THSD7B: variants seen among roughly 807,000 people sequenced by gnomAD.
The protein encoded by THSD7B is thrombospondin type 1 domain containing 7B.
Under a neutral mutation model 213.6 loss-of-function variants are expected in THSD7B, and 138 were observed. The observed-to-expected ratio is 0.65, with a 90% CI of 0.56 to 0.74. The LOEUF (loss-of-function observed/expected upper bound fraction) is 0.74. Ranked by LOEUF, THSD7B falls within the 30% of genes least tolerant of loss-of-function variation. The probability of loss-of-function intolerance (pLI) is 0.00; values close to 1 mark genes in which losing one functional copy is unlikely to be tolerated. For missense variants in THSD7B, 1,931 were observed against 1,991.5 expected, an observed-to-expected ratio of 0.97 and a Z score of 0.58; for synonymous variants, 742 against 687.0, an observed-to-expected ratio of 1.08 and a Z score of -1.25.
intron 6 of THSD7B, among the ~76,000 whole-genome samples, chr2:137,167,862 G>A (rs1364364828): frequency 6.6e-6 from 1 of 152,088 alleles, no homozygotes; most frequent in East Asian, 1.9e-4. Context: ...ACTAAACCAC[G>A]GTGCCTTTCA....
chr2:137,356,967 GACACACACACACACACACACAC>G (rs3048465), intron 12 of THSD7B, among the ~76,000 whole-genome samples: 25 of 140,872 alleles, frequency 1.8e-4, no homozygotes, highest in Non-Finnish European at 3.4e-4. Flanking sequence ...CACACACACA[GACACACACACACACACACACAC>G]ACACACACAC....
At position 137,115,248 on chromosome 2, in the gene THSD7B, T is replaced by G. The variant is rs1453959459; in HGVS notation, c.1324T>G (p.Cys442Gly). ...TGGGATCCAGACCCGGGAGGTGTAC[T>G]GTGCCCAGAGCGTACCAGCAGCTGC... ...GGGIQTREVY[C>G]AQSVPAAAAL... Residue 442 changes from cysteine (C) to glycine (G), a missense_variant, in exon 5 of 28, where the codon TGT (cysteine) becomes GGT (glycine). By Grantham distance (159) the Cys-to-Gly change is radical (BLOSUM62 -3). Transcript: ENST00000409968. 2 of 1,612,142 alleles carry G rather than the reference T, an allele frequency of 1.2e-6. No individual in the cohort carries two copies. Among genetic ancestry groups the G allele is most frequent in the Non-Finnish European group, 1.7e-6 (2 of 1,179,116 alleles).
intron 3 of THSD7B, among the ~76,000 whole-genome samples, chr2:137,086,276 G>A (rs187203419): frequency 7.3e-4 from 111 of 152,124 alleles, no homozygotes; most frequent in African/African-American, 2.5e-3. Context: ...GGCAGAAGTT[G>A]CAATGAGCCA....
intron 7 of THSD7B, among the ~76,000 whole-genome samples, chr2:137,190,559 A>T (rs1680637237): frequency 1.3e-5 from 2 of 152,126 alleles, no homozygotes; most frequent in South Asian, 4.1e-4. Flanking sequence ...ACTTGGCAAA[A>T]GTATCCTCGG....
intron 2 of THSD7B, among the ~76,000 whole-genome samples, chr2:136,999,577 G>C (rs1015271918): frequency 6.6e-6 from 1 of 151,778 alleles, no homozygotes. Flanking sequence ...GCAGGTAAGG[G>C]ATTAATTAAT....
chr2:136,903,974 T>TGTGTGTGTGTG (rs1573701122), intron 2 of THSD7B, among the ~76,000 whole-genome samples: 5 of 28,530 alleles, frequency 1.8e-4, no homozygotes, highest in African/African-American at 6.3e-4. Context: ...GTGTGTGTGT[T>TGTGTGTGTGTG]TGTTTGTTTC....
intron 7 of THSD7B, among the ~76,000 whole-genome samples, chr2:137,201,065 A>T (rs183978801): frequency 6.6e-6 from 1 of 152,282 alleles, no homozygotes; most frequent in Admixed American, 6.5e-5. Flanking sequence ...TGTTTCCAAG[A>T]TTCATCCAGG....
At chr2:137,501,562 T>C in intron 15 of THSD7B, among the ~76,000 whole-genome samples, 1 of 152,184 alleles carries the variant, frequency 6.6e-6, no homozygotes, top group East Asian at 1.9e-4. Flanking sequence ...CTATTATTCA[T>C]CTTAGATGAT....
At chr2:137,284,220 G>A (rs2104823006) in intron 12 of THSD7B, among the ~76,000 whole-genome samples, 1 of 152,230 alleles carries the variant, frequency 6.6e-6, no homozygotes, top group South Asian at 2.1e-4. Context: ...ATGGTAGTTT[G>A]TATTTCTGTG....
intron 12 of THSD7B, among the ~76,000 whole-genome samples, chr2:137,328,147 G>A (rs969496946): frequency 6.6e-5 from 10 of 152,170 alleles, no homozygotes; most frequent in African/African-American, 2.4e-4. Context: ...AAATGCGTAT[G>A]AGTCTAAAAT....
intron 4 of THSD7B, among the ~76,000 whole-genome samples, chr2:137,101,018 T>A (rs1688140560): frequency 1.3e-5 from 2 of 152,146 alleles, no homozygotes; most frequent in African/African-American, 4.8e-5. Flanking sequence ...TTTTAAATCT[T>A]CTCCTATTAG....
chr2:137,405,693 G>C lies in THSD7B; in HGVS notation c.2581G>C (p.Val861Leu), dbSNP rs1376506090. Residue 861 changes from valine to leucine, a missense_variant, in exon 13 of 28, where the codon GTG becomes CTG. Physicochemically the swap from Val to Leu is conservative, Grantham distance 32. Transcript: ENST00000409968. Reference sequence around the variant, plus strand: ...GCAGACAAACGGCATGCCTCTCCTTGTGCAAGAATGCACAGTCCCATGTCG... The same window carrying C: ...GCAGACAAACGGCATGCCTCTCCTTCTGCAAGAATGCACAGTCCCATGTCG... ...LKQTNGMPLL[V>L]QECTVPCRED... 5.6e-6 allele frequency: 9 copies of C among 1,613,538 alleles called. No individual in the cohort carries two copies. The highest frequency in any genetic ancestry group is 6.8e-6 in the Non-Finnish European group (8 of 1,179,824).
chr2:136,816,582 A>G (rs1415518723), intron 1 of THSD7B, among the ~76,000 whole-genome samples: 3 of 152,238 alleles, frequency 2.0e-5, no homozygotes, highest in African/African-American at 7.2e-5. Context: ...GGGACAAACA[A>G]ACTTCATCCT....
intron 2 of THSD7B, among the ~76,000 whole-genome samples, chr2:136,957,112 C>G (rs1156881339): frequency 6.6e-6 from 1 of 152,182 alleles, no homozygotes; most frequent in Non-Finnish European, 1.5e-5. Context: ...AAGGGCTCAT[C>G]TCCTAGTCTC....
At chr2:137,324,780 C>G (rs143266007) in intron 12 of THSD7B, among the ~76,000 whole-genome samples, 2 of 152,288 alleles carry the variant, frequency 1.3e-5, no homozygotes, top group East Asian at 3.9e-4. Flanking sequence ...CAGGAAAGGA[C>G]TGTTTCAAAG....
At chr2:137,334,367 C>T (rs1307588534) in intron 12 of THSD7B, among the ~76,000 whole-genome samples, 2 of 152,128 alleles carry the variant, frequency 1.3e-5, no homozygotes, top group Admixed American at 6.5e-5. Context: ...AGTGAGAAGT[C>T]GGGGAGCAAG....
At chr2:137,559,721 A>C (rs1681066600) in intron 15 of THSD7B, among the ~76,000 whole-genome samples, 1 of 152,212 alleles carries the variant, frequency 6.6e-6, no homozygotes, top group Non-Finnish European at 1.5e-5. Flanking sequence ...AATGGGATCT[A>C]ATTACACTAA....
chr2:137,340,156 C>T (rs886635842), intron 12 of THSD7B, among the ~76,000 whole-genome samples: 5 of 151,748 alleles, frequency 3.3e-5, no homozygotes, highest in Non-Finnish European at 5.9e-5. Flanking sequence ...TTCTACTTCC[C>T]ACACTTTCCT....
At chr2:136,923,547 T>A (rs1247578831) in intron 2 of THSD7B, among the ~76,000 whole-genome samples, 1 of 152,190 alleles carries the variant, frequency 6.6e-6, no homozygotes, top group African/African-American at 2.4e-5. Flanking sequence ...TTTTTCCTAA[T>A]GCCTGCCCTA....
Sources: gnomAD v4.1 joint callset for allele counts (sites outside exome capture counted in the v4.1 genomes callset) on GRCh38, gnomAD v4.1.1 for gene constraint, MANE v1.5 for transcripts, NCBI Gene and HGNC (gene_info 2026-07-23, HGNC 2026-07-21) for gene names.